Variants in CCDC47 observed in about 807,000 individuals in gnomAD.
CCDC47 encodes PAT complex subunit CCDC47.
A neutral mutation model predicts 60.5 loss-of-function variants in CCDC47; 41 were observed. That is an observed-to-expected ratio of 0.68 (90% CI 0.53 to 0.88). The LOEUF is 0.88. CCDC47 is among the 40% of genes least tolerant of loss of function. The pLI, the probability that CCDC47 is intolerant of heterozygous loss-of-function variation, is 0.00. For synonymous variants in CCDC47, 195 were observed against 190.7 expected (o/e 1.02, Z -0.18); for missense variants, 513 against 580.9 (o/e 0.88, Z 1.20).
rs1322233716 is a variant in CCDC47, at chr17:63,766,067, TATC to T, written c.106_108del (p.Asp36del). The T allele has an allele frequency of 3.7e-6, 6 of 1,614,094 alleles. No homozygotes were observed. The Admixed American group carries it at 6.7e-5, about 18-fold the overall frequency. ...ACATCCTCAAATTCAGCGAAGTCAT[TATC>T]ATCATACTCTACTATGTCCTCCTCA... On this transcript the variant is annotated inframe_deletion, in exon 2 of 13. Coordinates refer to ENST00000225726, the MANE Select transcript of CCDC47 (RefSeq NM_020198.3).
Position 63,745,281 on chromosome 17 carries a change from C to T in CCDC47, c.*1600G>A, listed in dbSNP as rs143993807. The T allele has an allele frequency of 4.3e-4, 65 of 152,640 alleles. No homozygotes were observed. The highest frequency in any genetic ancestry group is 1.5e-3 in the African/African-American group (63 of 41,538). The allele number at this position is 152,640 out of a possible 1,614,324, so 9.5% of individuals were successfully genotyped here. On this transcript the variant is annotated 3_prime_UTR_variant, in exon 13 of 13. Coordinates refer to ENST00000225726, the MANE Select transcript of CCDC47 (RefSeq NM_020198.3). ...TTTGTCAATCACTTTAATAGATGTC[C>T]ATAGGTAGTTCATATGAATGCTTAA... is the stretch of plus-strand genomic sequence containing the variant.
chr17:63,757,450 G>A (rs1049836160), intron 6 of CCDC47, among the ~76,000 whole-genome samples: 1 of 151,158 alleles, frequency 6.6e-6, no homozygotes, highest in African/African-American at 2.4e-5. Context: ...CAACCCAAAT[G>A]ACATTAAGAG....
chr17:63,762,618 T>C (rs1452219879), intron 4 of CCDC47, among the ~76,000 whole-genome samples: 1 of 152,182 alleles, frequency 6.6e-6, no homozygotes, highest in Non-Finnish European at 1.5e-5. Context: ...AATAGGTGAA[T>C]GTGAGGTTAG....
intron 1 of CCDC47, chr17:63,772,750 G>C (rs1232910160): frequency 6.6e-6 from 1 of 152,180 alleles, no homozygotes; most frequent in East Asian, 1.9e-4. Context: ...AGGTTATTTA[G>C]GTTACAATCA....
chr17:63,748,564 C>T (rs753419875), intron 12 of CCDC47, among the ~76,000 whole-genome samples: 5 of 152,190 alleles, frequency 3.3e-5, no homozygotes, highest in African/African-American at 1.2e-4. Flanking sequence ...CCCCTACCTT[C>T]ACCACATTCA....
rs2039117986 is a variant in CCDC47, at chr17:63,746,028, A to C, written c.*853T>G. Reference sequence around the variant, plus strand: ...ATATAGAGAACAGAGCTTCTCCATGAACATCCACCAGGCTGCAGCAACCAA... The same window carrying C: ...ATATAGAGAACAGAGCTTCTCCATGCACATCCACCAGGCTGCAGCAACCAA... On this transcript the variant is annotated 3_prime_UTR_variant, in exon 13 of 13. Transcript: ENST00000225726. 1 of 152,276 alleles carries C rather than the reference A, an allele frequency of 6.6e-6. No homozygotes were observed. Among genetic ancestry groups the C allele is most frequent in the Non-Finnish European group, 1.5e-5 (1 of 68,052 alleles). 9.4% of individuals were successfully genotyped at this position (152,276 alleles called of 1,614,324 possible).
chr17:63,757,391 A>G (rs2039215926), intron 6 of CCDC47, among the ~76,000 whole-genome samples: 1 of 146,198 alleles, frequency 6.8e-6, no homozygotes, highest in African/African-American at 2.5e-5. Context: ...AAAAAAAAAA[A>G]GGAAAAGAAA....
rs1393022935 is a variant in CCDC47 at position 63,773,511 on chromosome 17, T to TA, written c.-120dup. 6.5e-6 allele frequency: 1 copy of TA among 152,686 alleles called. No homozygotes were observed. Among genetic ancestry groups the TA allele is most frequent in the Non-Finnish European group, 1.5e-5 (1 of 68,408 alleles). 9.5% of individuals were successfully genotyped at this position (152,686 alleles called of 1,614,324 possible). On this transcript the variant is annotated 5_prime_UTR_variant, in exon 1 of 13. Transcript: ENST00000225726. Reference sequence around the variant, plus strand: ...GCCGCCTCCGCGATCGCAGCGGTTTTACTGCCCCGGATGCCTCTAGGACGC... The same window carrying TA: ...GCCGCCTCCGCGATCGCAGCGGTTTTAACTGCCCCGGATGCCTCTAGGACGC...
In CCDC47 at chr17:63,766,030, G is replaced by T. The variant is rs1377294709; in HGVS notation, c.146C>A (p.Ser49Tyr). Residue 49 changes from serine to tyrosine, a missense_variant, in exon 2 of 13, where the codon TCT (serine) becomes TAT (tyrosine). Coordinates refer to ENST00000225726, the MANE Select transcript of CCDC47 (RefSeq NM_020198.3). ...FAEFEDVMEDSVTESPQRVII... is the reference protein window; with the variant it reads ...FAEFEDVMEDYVTESPQRVII... ...GACCCGTTGAGGAGATTCAGTAACA[G>T]AGTCTTCCATGACATCCTCAAATTC... The T allele has an allele frequency of 6.2e-7, 1 of 1,613,992 alleles. No homozygotes were observed. The highest frequency in any genetic ancestry group is 1.7e-5 in the Admixed American group (1 of 60,000).
chr17:63,768,668 T>C (rs909214238), intron 1 of CCDC47, among the ~76,000 whole-genome samples: 1 of 152,126 alleles, frequency 6.6e-6, no homozygotes, highest in African/African-American at 2.4e-5. Context: ...CATTCCAGCC[T>C]GGGTGACAGT....
At chr17:63,772,148 TA>T (rs1389568414) in intron 1 of CCDC47, among the ~76,000 whole-genome samples, 2 of 151,862 alleles carry the variant, frequency 1.3e-5, no homozygotes, top group African/African-American at 4.8e-5. Flanking sequence ...GACCTTAGCC[TA>T]ATTACTTAAA....
chr17:63,752,808 AAAG>A lies in CCDC47; in HGVS notation c.1035-12_1035-10del, dbSNP rs1304130765. Reference sequence around the variant, plus strand: ...TTAAAGGCTGACCTTCCCTGTCATAAAAGAAAAGGCAATTAAGAAGGAATACAA... The same window carrying A: ...TTAAAGGCTGACCTTCCCTGTCATAAAAAAGGCAATTAAGAAGGAATACAA... On this transcript the variant is annotated splice_polypyrimidine_tract_variant and intron_variant, in intron 9 of 12. Coordinates refer to ENST00000225726, the MANE Select transcript of CCDC47 (RefSeq NM_020198.3). The A allele has an allele frequency of 6.2e-7, 1 of 1,610,006 alleles. No individual in the cohort carries two copies. Among genetic ancestry groups the A allele is most frequent in the South Asian group, 1.1e-5 (1 of 90,506 alleles).
At chr17:63,770,354 T>C (rs141869164) in intron 1 of CCDC47, among the ~76,000 whole-genome samples, 1 of 152,218 alleles carries the variant, frequency 6.6e-6, no homozygotes, top group Non-Finnish European at 1.5e-5. Flanking sequence ...CATGGAGGCC[T>C]GAAATAGCAT....
intron 4 of CCDC47, 119 bp downstream of exon 4, chr17:63,763,897 A>T: frequency 1.7e-6 from 1 of 579,292 alleles, no homozygotes; most frequent in Non-Finnish European, 2.6e-6. Flanking sequence ...TGAGAGAAAA[A>T]ACAATGCACC....
intron 3 of CCDC47, among the ~76,000 whole-genome samples, chr17:63,764,509 G>T (rs1285657614): frequency 6.6e-6 from 1 of 151,706 alleles, no homozygotes; most frequent in Non-Finnish European, 1.5e-5. Flanking sequence ...TCCCTGATAA[G>T]TAGTAAAACT....
Position 63,766,140 on chromosome 17 carries a change from CAGA to C in CCDC47, c.33_35del (p.Leu12del). On this transcript the variant is annotated inframe_deletion, in exon 2 of 13. Coordinates refer to ENST00000225726, the MANE Select transcript of CCDC47 (RefSeq NM_020198.3). ...TGGCTTCAGAGACACTCCCAAACAC[CAGA>C]AGGACAACACAGAAAGTGTGGAAGG... 1 of 1,613,902 alleles carries C rather than the reference CAGA, an allele frequency of 6.2e-7. No homozygotes were observed. Among genetic ancestry groups the C allele is most frequent in the Non-Finnish European group, 8.5e-7 (1 of 1,179,968 alleles).
At chr17:63,756,421 A>G (rs1490613342) in intron 7 of CCDC47, 48 bp downstream of exon 7, 1 of 1,564,272 alleles carries the variant, frequency 6.4e-7, no homozygotes, top group Non-Finnish European at 8.8e-7. Context: ...TGTGTGTGCT[A>G]AGGAGACACA....
chr17:63,754,773 T>G (rs1367403865), intron 8 of CCDC47, among the ~76,000 whole-genome samples: 2 of 150,610 alleles, frequency 1.3e-5, no homozygotes, highest in Non-Finnish European at 2.9e-5. Context: ...ACCCCAGCTA[T>G]CCAAGAGGCT....
chr17:63,747,486 TA>T, intron 12 of CCDC47: 1 of 979,022 alleles, frequency 1.0e-6, no homozygotes, highest in Non-Finnish European at 1.2e-6. Flanking sequence ...TCAAATGTGA[TA>T]AAAATTATCA....
Sources: allele counts gnomAD v4.1 joint callset (sites outside exome capture counted in the v4.1 genomes callset), GRCh38; gene constraint gnomAD v4.1.1; transcripts MANE v1.5; gene names NCBI Gene and HGNC (gene_info 2026-07-23, HGNC 2026-07-21).